MAML3: variants seen among roughly 807,000 people sequenced by gnomAD.
The protein encoded by MAML3 is mastermind-like protein 3.
Under a neutral mutation model 101.9 loss-of-function variants are expected in MAML3, and 27 were observed. That is an observed-to-expected ratio of 0.27 (90% CI 0.20 to 0.37). The LOEUF (loss-of-function observed/expected upper bound fraction) is 0.37, where lower values mean the gene tolerates loss of function less well. Ranked by LOEUF, MAML3 falls within the 10% of genes least tolerant of loss-of-function variation. The pLI is 1.00. For missense variants in MAML3, 1,316 were observed against 1,444.9 expected, an observed-to-expected ratio of 0.91 and a Z score of 1.45; for synonymous variants, 501 against 555.9, an observed-to-expected ratio of 0.90 and a Z score of 1.39.
chr4:139,966,834 G>T (rs1311376543), intron 1 of MAML3, among the ~76,000 whole-genome samples: 1 of 152,114 alleles, frequency 6.6e-6, no homozygotes. Context: ...CACAACACTG[G>T]ACCTTCTTGA....
chr4:139,816,383 T>C (rs957223831), intron 2 of MAML3, among the ~76,000 whole-genome samples: 1 of 152,226 alleles, frequency 6.6e-6, no homozygotes, highest in Non-Finnish European at 1.5e-5. Flanking sequence ...GGTAAAAAGC[T>C]GCCTTTTGTA....
intron 1 of MAML3, among the ~76,000 whole-genome samples, chr4:140,097,621 G>A (rs1728185326): frequency 6.8e-6 from 1 of 147,250 alleles, no homozygotes; most frequent in African/African-American, 2.5e-5. Flanking sequence ...AAGACGGGGT[G>A]AAGAGTGGCC....
intron 2 of MAML3, among the ~76,000 whole-genome samples, chr4:139,842,224 C>A (rs1192559432): frequency 6.6e-6 from 1 of 152,226 alleles, no homozygotes; most frequent in Admixed American, 6.5e-5. Flanking sequence ...AAGTTCCCAT[C>A]TGAAACAAGC....
At chr4:140,031,763 A>G (rs756778883) in intron 1 of MAML3, among the ~76,000 whole-genome samples, 1 of 152,162 alleles carries the variant, frequency 6.6e-6, no homozygotes, top group African/African-American at 2.4e-5. Context: ...TTCATCAGAA[A>G]CTTCCTTCTA....
At position 139,717,484 on chromosome 4, in the gene MAML3, G is replaced by A. The variant is rs111321539; in HGVS notation, c.*1839C>T. The A allele has an allele frequency of 1.7e-3, 256 of 152,418 alleles. No homozygotes were observed. Among genetic ancestry groups the A allele is most frequent in the Middle Eastern group, 3.4e-3 (1 of 298 alleles). The allele number at this position is 152,418 out of a possible 1,614,324, so 9.4% of individuals were successfully genotyped here. ...CTGCTGCCACCTCTTCGGAGAGGGC[G>A]CCCAGCCCCTGCCTGGGCTTCTCAC... On this transcript the variant is annotated 3_prime_UTR_variant, in exon 5 of 5. Coordinates refer to ENST00000509479, the MANE Select transcript of MAML3 (RefSeq NM_018717.5).
chr4:139,982,821 A>AT (rs982217498), intron 1 of MAML3, among the ~76,000 whole-genome samples: 8 of 152,200 alleles, frequency 5.3e-5, no homozygotes, highest in African/African-American at 1.9e-4. Context: ...ATAGTGAGAA[A>AT]CCTGCCTCCC....
intron 2 of MAML3, among the ~76,000 whole-genome samples, chr4:139,820,447 A>C (rs1017755045): frequency 3.3e-5 from 5 of 152,228 alleles, no homozygotes; most frequent in African/African-American, 7.2e-5. Flanking sequence ...CATTTTCTCT[A>C]GGTTGTTTCC....
chr4:140,033,397 G>GA (rs1344991572), intron 1 of MAML3, among the ~76,000 whole-genome samples: 2 of 148,546 alleles, frequency 1.3e-5, no homozygotes, highest in African/African-American at 5.0e-5. Flanking sequence ...GCTCAGCCTT[G>GA]AAAAAAAGAT....
chr4:140,001,243 T>C (rs1309575092), intron 1 of MAML3, among the ~76,000 whole-genome samples: 1 of 152,234 alleles, frequency 6.6e-6, no homozygotes, highest in African/African-American at 2.4e-5. Context: ...GTTCTTACCA[T>C]GTTAAAACAC....
chr4:140,104,227 A>G (rs1003854924), intron 1 of MAML3, among the ~76,000 whole-genome samples: 1 of 149,708 alleles, frequency 6.7e-6, no homozygotes, highest in Non-Finnish European at 1.5e-5. Flanking sequence ...TCTACAAAAA[A>G]TTTAAAAAAT....
chr4:139,784,822 C>T (rs969577835), intron 2 of MAML3, among the ~76,000 whole-genome samples: 6 of 152,112 alleles, frequency 3.9e-5, no homozygotes, highest in Admixed American at 2.0e-4. Flanking sequence ...TCTTTGTTGT[C>T]ACCAGAGAAA....
At chr4:139,951,248 T>G (rs1733826607) in intron 1 of MAML3, among the ~76,000 whole-genome samples, 1 of 152,230 alleles carries the variant, frequency 6.6e-6, no homozygotes, top group Non-Finnish European at 1.5e-5. Flanking sequence ...AAAGCTGTTT[T>G]CCTTGTGGCT....
At chr4:139,817,793 G>A (rs1008280945) in intron 2 of MAML3, among the ~76,000 whole-genome samples, 1 of 152,216 alleles carries the variant, frequency 6.6e-6, no homozygotes, top group African/African-American at 2.4e-5. Context: ...TGACCAGTAT[G>A]TCTTCCAGCT....
chr4:140,035,782 C>CAA (rs377078289), intron 1 of MAML3, among the ~76,000 whole-genome samples: 4 of 124,584 alleles, frequency 3.2e-5, no homozygotes, highest in Non-Finnish European at 3.4e-5. Flanking sequence ...GACTCCGTCT[C>CAA]AAAAAAAAAA....
intron 1 of MAML3, among the ~76,000 whole-genome samples, chr4:139,924,974 G>T (rs1323106072): frequency 6.9e-6 from 1 of 143,918 alleles, no homozygotes; most frequent in Non-Finnish European, 1.5e-5. Flanking sequence ...ACTCCGGTTC[G>T]GTGACCTTTC....
chr4:139,923,067 G>T (rs536098480), intron 1 of MAML3, among the ~76,000 whole-genome samples: 3 of 152,336 alleles, frequency 2.0e-5, no homozygotes, highest in Admixed American at 6.5e-5. Context: ...ACACTGAAAA[G>T]TATTCACTAT....
chr4:139,995,829 C>T (rs1734797713), intron 1 of MAML3, among the ~76,000 whole-genome samples: 1 of 151,534 alleles, frequency 6.6e-6, no homozygotes, highest in Non-Finnish European at 1.5e-5. Flanking sequence ...TTTCCTTCTG[C>T]TTGCTTTGAG....
chr4:139,924,875 A>G (rs537311116), intron 1 of MAML3, among the ~76,000 whole-genome samples: 2 of 152,342 alleles, frequency 1.3e-5, no homozygotes, highest in East Asian at 3.9e-4. Flanking sequence ...AGGATCAAAA[A>G]TTACTAGAAT....
chr4:139,850,589 A>G (rs1412655246), intron 2 of MAML3, among the ~76,000 whole-genome samples: 1 of 151,794 alleles, frequency 6.6e-6, no homozygotes, highest in Non-Finnish European at 1.5e-5. Flanking sequence ...GCTGGAGTGC[A>G]GTGGCACAAT....
Sources: gnomAD v4.1 joint callset for allele counts (sites outside exome capture counted in the v4.1 genomes callset) on GRCh38, gnomAD v4.1.1 for gene constraint, MANE v1.5 for transcripts, NCBI Gene and HGNC (gene_info 2026-07-23, HGNC 2026-07-21) for gene names.